SLC1A1: variants seen among roughly 807,000 people sequenced by gnomAD.
The protein encoded by SLC1A1 is solute carrier family 1 member 1, also known as excitatory amino acid transporter 3.
SLC1A1 carries 43 observed loss-of-function variants against 53.3 expected under a neutral mutation model. That is an observed-to-expected ratio of 0.81 (90% CI 0.63 to 1.04). SLC1A1 has a LOEUF of 1.04. Among genes scored for constraint, SLC1A1 ranks in the 50% least tolerant of loss-of-function variants. The pLI is 0.00. For missense variants in SLC1A1, 748 were observed against 664.9 expected, an observed-to-expected ratio of 1.12 and a Z score of -1.37; for synonymous variants, 307 against 243.2, an observed-to-expected ratio of 1.26 and a Z score of -2.44.
intron 1 of SLC1A1, among the ~76,000 whole-genome samples, chr9:4,522,405 G>A (rs184663409): frequency 1.3e-5 from 2 of 152,232 alleles, no homozygotes; most frequent in East Asian, 3.9e-4. Flanking sequence ...CAAAGTTTAA[G>A]AAGCATAGAT....
Position 4,583,244 on chromosome 9 carries a change from C to A in SLC1A1, c.1328+72C>A. 6.3e-7 allele frequency: 1 copy of A among 1,586,962 alleles called. No homozygotes were observed. On this transcript the variant is annotated intron_variant, in intron 11 of 11. Transcript: ENST00000262352. This position sits in a 1 kb window ranked among gnomAD's most constrained non-coding sequence, Gnocchi z 4.6. ...TTCCCAGCCTCGCAGGCGCTGCAGT[C>A]TGTCATCATTCTCTCCTCAGATTGC...
At position 4,563,328 on chromosome 9, in the gene SLC1A1, A is replaced by C. The variant is rs143933384; in HGVS notation, c.326-1016A>C. On this transcript the variant is annotated intron_variant, in intron 3 of 11. Coordinates refer to ENST00000262352, the MANE Select transcript of SLC1A1 (RefSeq NM_004170.6). Reference sequence around the variant, plus strand: ...GGGCTTGAACTGTACCATAAAACAAAACCACATCATCTCATGAGTTTCCTG... The same window carrying C: ...GGGCTTGAACTGTACCATAAAACAACACCACATCATCTCATGAGTTTCCTG... Among the ~76,000 whole-genome samples the C allele has an allele frequency of 3.3e-5, 5 of 152,258 alleles. No homozygotes were observed. In the East Asian group the frequency reaches 7.7e-4, roughly 23 times the overall value.
chr9:4,518,418 G>A (rs1217703921), intron 1 of SLC1A1, among the ~76,000 whole-genome samples: 2 of 151,564 alleles, frequency 1.3e-5, no homozygotes, highest in Admixed American at 6.6e-5. Context: ...CCAGGCTGGA[G>A]TGCAGTGGCA....
chr9:4,522,171 C>A (rs1816101147), intron 1 of SLC1A1, among the ~76,000 whole-genome samples: 1 of 151,490 alleles, frequency 6.6e-6, no homozygotes, highest in African/African-American at 2.4e-5. Context: ...CCTGCCTAAG[C>A]CTCCCGAGTA....
chr9:4,552,896 G>C (rs555364742), intron 2 of SLC1A1, among the ~76,000 whole-genome samples: 1 of 151,892 alleles, frequency 6.6e-6, no homozygotes, highest in African/African-American at 2.4e-5. Context: ...AATCTACAGG[G>C]CCAATATCAG....
In SLC1A1 at chr9:4,544,642, G is replaced by A; in HGVS notation, c.167G>A (p.Gly56Glu). 1.2e-6 allele frequency: 2 copies of A among 1,613,600 alleles called. No individual in the cohort carries two copies. Among genetic ancestry groups the A allele is most frequent in the Non-Finnish European group, 1.7e-6 (2 of 1,179,598 alleles). ...GAGAAATTCTACTTTGCTTTTCCTG[G>A]AGAAATTCTAATGCGGATGCTGAAA... ...TLEKFYFAFP[G>E]EILMRMLKLI... Residue 56 changes from glycine (G) to glutamate (E), a missense_variant, in exon 2 of 12, where the codon GGA becomes GAA. Physicochemically the swap from Gly to Glu is moderately conservative, Grantham distance 98. Coordinates refer to ENST00000262352, the MANE Select transcript of SLC1A1 (RefSeq NM_004170.6).
intron 1 of SLC1A1, among the ~76,000 whole-genome samples, chr9:4,499,758 A>C (rs1230438325): frequency 6.6e-6 from 1 of 152,258 alleles, no homozygotes; most frequent in African/African-American, 2.4e-5. Flanking sequence ...ATGTTGCTTA[A>C]TTTAAGATAC....
Position 4,517,571 on chromosome 9 carries a change from AC to A in SLC1A1, c.91+26803del, listed in dbSNP as rs141380834. The stretch of plus-strand genomic sequence containing the variant: ...ATTTGCTTTCGGCTGAACACTGGTC[AC>A]CTTCCCTCTTCTGTTATTGTGTACC... On this transcript the variant is annotated intron_variant, in intron 1 of 11. Coordinates refer to ENST00000262352, the MANE Select transcript of SLC1A1 (RefSeq NM_004170.6). Among the ~76,000 whole-genome samples the A allele has an allele frequency of 5.7e-3, 865 of 152,242 alleles. 5 individuals are homozygous for A. The highest frequency in any genetic ancestry group is 9.8e-3 in the Non-Finnish European group (668 of 68,002).
At chr9:4,542,736 C>T (rs1817126663) in intron 1 of SLC1A1, among the ~76,000 whole-genome samples, 1 of 152,126 alleles carries the variant, frequency 6.6e-6, no homozygotes, top group Non-Finnish European at 1.5e-5. Flanking sequence ...GTTTATAAAG[C>T]AGGAAGTGAG....
At chr9:4,498,837 T>C (rs937312824) in intron 1 of SLC1A1, among the ~76,000 whole-genome samples, 22 of 149,638 alleles carry the variant, frequency 1.5e-4, no homozygotes, top group African/African-American at 5.1e-4. Flanking sequence ...TGTGTGTATA[T>C]ATATGATATT....
At chr9:4,491,685 G>A (rs1820241523) in intron 1 of SLC1A1, among the ~76,000 whole-genome samples, 2 of 152,194 alleles carry the variant, frequency 1.3e-5, no homozygotes, top group Non-Finnish European at 2.9e-5. Context: ...CTTGGGATTA[G>A]CGCCATATCT....
At chr9:4,565,675 T>C (rs1438026704) in intron 4 of SLC1A1, among the ~76,000 whole-genome samples, 1 of 152,194 alleles carries the variant, frequency 6.6e-6, no homozygotes, top group Non-Finnish European at 1.5e-5. Flanking sequence ...CAATTTGACA[T>C]GAGATTTGGG....
In SLC1A1 at chr9:4,490,801, C is replaced by T; in HGVS notation, c.91+31C>T. On this transcript the variant is annotated intron_variant, in intron 1 of 11. Transcript: ENST00000262352. ...CGGCGCGGCGGGTGGGCGATGCGCG[C>T]ACCCTCACGCGCTCTCTGCGCCCAG... 4 of 1,566,228 alleles carry T rather than the reference C, an allele frequency of 2.6e-6. 1 individual carries two copies. The highest frequency in any genetic ancestry group is 2.7e-5 in the African/African-American group (2 of 74,106).
chr9:4,565,303 A>G (rs1401362287), intron 4 of SLC1A1, among the ~76,000 whole-genome samples: 1 of 152,230 alleles, frequency 6.6e-6, no homozygotes, highest in African/African-American at 2.4e-5. Context: ...CAACTGGTAT[A>G]AAGAATTTGG....
intron 2 of SLC1A1, among the ~76,000 whole-genome samples, chr9:4,560,405 A>G (rs1254799933): frequency 6.6e-6 from 1 of 152,128 alleles, no homozygotes; most frequent in Admixed American, 6.6e-5. Flanking sequence ...AAATGCTTAC[A>G]ACTATAATAT....
chr9:4,584,443 G>A (rs139106778), intron 11 of SLC1A1, among the ~76,000 whole-genome samples: 2 of 152,300 alleles, frequency 1.3e-5, no homozygotes, highest in East Asian at 3.9e-4. Context: ...ATACCCAGAT[G>A]AGTCAAAGGT....
chr9:4,583,363 T>C lies in SLC1A1; in HGVS notation c.1328+191T>C, dbSNP rs1313628835. Among the ~76,000 whole-genome samples the C allele has an allele frequency of 1.3e-5, 2 of 152,180 alleles. No homozygotes were observed. Among genetic ancestry groups the C allele is most frequent in the African/African-American group, 2.4e-5 (1 of 41,432 alleles). Reference sequence around the variant, plus strand: ...AACTCCTCATAACGTGGAGCAGTGATTTTAAAAAGCCGGTGAGCTCCATTA... The same window carrying C: ...AACTCCTCATAACGTGGAGCAGTGACTTTAAAAAGCCGGTGAGCTCCATTA... On this transcript the variant is annotated intron_variant, in intron 11 of 11. Coordinates refer to ENST00000262352, the MANE Select transcript of SLC1A1 (RefSeq NM_004170.6). The surrounding 1 kb of genome is among the most constrained non-coding windows in gnomAD (Gnocchi z 4.6).
At chr9:4,520,975 C>A (rs555522176) in intron 1 of SLC1A1, among the ~76,000 whole-genome samples, 1 of 152,268 alleles carries the variant, frequency 6.6e-6, no homozygotes, top group South Asian at 2.1e-4. Flanking sequence ...CTAATGAGTA[C>A]AAAGTAACAT....
intron 1 of SLC1A1, among the ~76,000 whole-genome samples, chr9:4,532,781 A>G (rs1425152367): frequency 6.6e-6 from 1 of 152,190 alleles, no homozygotes; most frequent in Non-Finnish European, 1.5e-5. Flanking sequence ...CAAAGTTGCA[A>G]TGAAGGAAAA....
Sources: allele counts gnomAD v4.1 joint callset (sites outside exome capture counted in the v4.1 genomes callset), GRCh38; gene constraint gnomAD v4.1.1; non-coding constraint Gnocchi (gnomAD v3.1); transcripts MANE v1.5; gene names NCBI Gene and HGNC (gene_info 2026-07-23, HGNC 2026-07-21).